The following KBTBD11 variants were observed in gnomAD, a reference collection of about 807,000 sequenced individuals.
The protein encoded by KBTBD11 is kelch repeat and BTB domain containing 11.
For missense variants in KBTBD11, 1,390 were observed against 1,001.8 expected, an observed-to-expected ratio of 1.39 and a Z score of -5.23; for synonymous variants, 747 against 499.0, an observed-to-expected ratio of 1.50 and a Z score of -6.63.
At chr8:1,978,213 C>T (rs1816416876) in intron 1 of KBTBD11, among the ~76,000 whole-genome samples, 1 of 152,218 alleles carries the variant, frequency 6.6e-6, no homozygotes, top group African/African-American at 2.4e-5. Context: ...GTGTTCTCAT[C>T]ATTCAGCTCC....
At chr8:1,980,763 C>G (rs967966481) in intron 1 of KBTBD11, among the ~76,000 whole-genome samples, 1 of 152,228 alleles carries the variant, frequency 6.6e-6, no homozygotes, top group Non-Finnish European at 1.5e-5. Context: ...ATGTTTCCTA[C>G]TGGTTCTGTT....
At position 2,001,241 on chromosome 8, in the gene KBTBD11, G is replaced by A. The variant is rs1362518974; in HGVS notation, c.49G>A (p.Gly17Arg). The A allele has an allele frequency of 6.7e-7, 1 of 1,490,886 alleles. No individual in the cohort carries two copies. 92.4% of individuals were successfully genotyped at this position (1,490,886 alleles called of 1,614,324 possible). A position where few individuals can be genotyped will look rare whatever the true frequency, so the allele number is the denominator to read the frequency against. The change falls in exon 2 of 2, where the codon GGG becomes AGG. Residue 17 changes from glycine (G) to arginine (R), a missense_variant. Transcript: ENST00000320248. The part of the protein sequence containing the change: ...PCVLYPGTEP[G>R]AAGESESEGA... ...CGTCCTCTACCCAGGGACTGAGCCC[G>A]GGGCTGCCGGGGAGAGCGAGAGCGA...
At chr8:1,999,878 A>T (rs962930604) in intron 1 of KBTBD11, among the ~76,000 whole-genome samples, 29 of 152,236 alleles carry the variant, frequency 1.9e-4, no homozygotes, top group African/African-American at 6.0e-4. Flanking sequence ...CAATCCAGTC[A>T]TGCTTTCTCA....
chr8:1,973,713 G>T lies in KBTBD11; in HGVS notation c.-1131G>T. 1.0e-6 allele frequency: 1 copy of T among 983,826 alleles called. No individual in the cohort carries two copies. Among genetic ancestry groups the T allele is most frequent in the South Asian group, 4.7e-5 (1 of 21,290 alleles). The allele number at this position is 983,826 out of a possible 1,614,324, so 60.9% of individuals were successfully genotyped here. A position where few individuals can be genotyped will look rare whatever the true frequency, so the allele number is the denominator to read the frequency against. On this transcript the variant is annotated 5_prime_UTR_variant, in exon 1 of 2. Transcript: ENST00000320248. ...GCGCCCCTCGCAGCCTGGAGCCGGA[G>T]CGCTGGCTCCGCGCGGCCTGGAGAG...
Position 2,001,392 on chromosome 8 carries a change from C to G in KBTBD11, c.200C>G (p.Ser67Cys). The change falls in exon 2 of 2, where the codon TCC becomes TGC. Residue 67 changes from serine to cysteine, a missense_variant. Coordinates refer to ENST00000320248, the MANE Select transcript of KBTBD11 (RefSeq NM_014867.3). ...GAAGGCGCGGCCACCTCCCCGCCCT[C>G]CAGCGGTGGCCCGCGGGTGGTGGAG... ...AAEGAATSPP[S>C]SGGPRVVERQ... 7.0e-7 allele frequency: 1 copy of G among 1,426,380 alleles called. No individual in the cohort carries two copies. Among genetic ancestry groups the G allele is most frequent in the Middle Eastern group, 2.5e-4 (1 of 3,998 alleles). The allele number at this position is 1,426,380 out of a possible 1,614,324, so 88.4% of individuals were successfully genotyped here.
chr8:1,987,109 T>G (rs1816730990), intron 1 of KBTBD11, among the ~76,000 whole-genome samples: 1 of 151,638 alleles, frequency 6.6e-6, no homozygotes, highest in Non-Finnish European at 1.5e-5. Flanking sequence ...GGAAGCCCTG[T>G]GGTCCCGTCC....
rs532617363 is a variant in KBTBD11, at chr8:2,001,883, C to T, written c.691C>T (p.Leu231=). 1,613 of 1,378,154 alleles carry T rather than the reference C, an allele frequency of 1.2e-3. 3 individuals are homozygous for T. The highest frequency in any genetic ancestry group is 1.6e-3 in the Admixed American group (64 of 41,034). 85.4% of individuals were successfully genotyped at this position (1,378,154 alleles called of 1,614,324 possible). A position where few individuals can be genotyped will look rare whatever the true frequency, so the allele number is the denominator to read the frequency against. ...CGCCACCGACGCCGTGGGGCCGCAG[C>T]TGAGCCTGGCCAACTGCTACGAGGT... ...QRATDAVGPQ[L]SLANCYEVLS... The change falls in exon 2 of 2, where the codon CTG becomes TTG. Residue 231 remains leucine (L), a synonymous_variant. Coordinates refer to ENST00000320248, the MANE Select transcript of KBTBD11 (RefSeq NM_014867.3).
intron 1 of KBTBD11, among the ~76,000 whole-genome samples, chr8:1,981,001 T>C (rs1229359131): frequency 1.3e-5 from 2 of 152,154 alleles, no homozygotes; most frequent in African/African-American, 4.8e-5. Flanking sequence ...CAGGGCAAAA[T>C]AGTAACAAGG....
chr8:1,995,258 T>C (rs1817095192), intron 1 of KBTBD11, among the ~76,000 whole-genome samples: 1 of 151,972 alleles, frequency 6.6e-6, no homozygotes, highest in Non-Finnish European at 1.5e-5. Flanking sequence ...TTAGTTTTCT[T>C]TTATCCATGT....
At chr8:1,974,675 GGA>G in intron 1 of KBTBD11, 2 of 985,400 alleles carry the variant, frequency 2.0e-6, no homozygotes, top group Non-Finnish European at 2.4e-6. Flanking sequence ...CATGTGCTGG[GGA>G]GACCCCCGGG....
Position 2,000,592 on chromosome 8 carries a change from A to C in KBTBD11, c.-601A>C, listed in dbSNP as rs1007464351. 1 of 152,336 alleles carries C rather than the reference A, an allele frequency of 6.6e-6. No homozygotes were observed. 9.4% of individuals were successfully genotyped at this position (152,336 alleles called of 1,614,324 possible). Reference sequence around the variant, plus strand: ...GGGACTCTTTTCAAGACACGGTGTTAAATCAAGGCTCTGAAGTTGGGGCCA... The same window carrying C: ...GGGACTCTTTTCAAGACACGGTGTTCAATCAAGGCTCTGAAGTTGGGGCCA... On this transcript the variant is annotated 5_prime_UTR_variant, in exon 2 of 2. Transcript: ENST00000320248.
chr8:1,999,282 A>G (rs1325023906), intron 1 of KBTBD11, among the ~76,000 whole-genome samples: 1 of 152,232 alleles, frequency 6.6e-6, no homozygotes, highest in East Asian at 1.9e-4. Context: ...TATAGTAACC[A>G]GGTAATGCTA....
At chr8:1,997,159 G>A (rs961021028) in intron 1 of KBTBD11, among the ~76,000 whole-genome samples, 2 of 152,132 alleles carry the variant, frequency 1.3e-5, no homozygotes, top group South Asian at 4.1e-4. Context: ...GCGAGTTTCA[G>A]TAATTTCACA....
At chr8:1,976,890 G>C (rs142108302) in intron 1 of KBTBD11, among the ~76,000 whole-genome samples, 20 of 152,238 alleles carry the variant, frequency 1.3e-4, no homozygotes, top group African/African-American at 4.8e-4. Context: ...AGCACGGAGA[G>C]GTCAGTGAGG....
intron 1 of KBTBD11, among the ~76,000 whole-genome samples, chr8:1,992,027 G>A (rs759324530): frequency 2.0e-5 from 3 of 152,144 alleles, no homozygotes; most frequent in African/African-American, 4.8e-5. Flanking sequence ...GCCTTTAGTT[G>A]AGGAACGTCT....
At chr8:1,986,742 A>T (rs1311801597) in intron 1 of KBTBD11, among the ~76,000 whole-genome samples, 1 of 152,220 alleles carries the variant, frequency 6.6e-6, no homozygotes, top group East Asian at 1.9e-4. Flanking sequence ...GTTTAAACAT[A>T]TGGCATTACG....
At chr8:1,991,555 A>AACT (rs1816918159) in intron 1 of KBTBD11, among the ~76,000 whole-genome samples, 14 of 151,968 alleles carry the variant, frequency 9.2e-5, no homozygotes, top group African/African-American at 3.4e-4. Context: ...GTGATCCATG[A>AACT]GGGCAGGGCC....
intron 1 of KBTBD11, among the ~76,000 whole-genome samples, chr8:1,998,096 C>A (rs544699273): frequency 1.3e-5 from 2 of 152,218 alleles, no homozygotes; most frequent in African/African-American, 4.8e-5. Flanking sequence ...GCTCCAAAAT[C>A]TGAACTGTTT....
intron 1 of KBTBD11, among the ~76,000 whole-genome samples, chr8:1,990,387 G>A (rs1490090037): frequency 6.9e-6 from 1 of 145,104 alleles, no homozygotes; most frequent in East Asian, 2.1e-4. Context: ...CCGGGCCTTG[G>A]CGCCCTGTCC....
Sources: allele counts gnomAD v4.1 joint callset (sites outside exome capture counted in the v4.1 genomes callset), GRCh38; gene constraint gnomAD v4.1.1; transcripts MANE v1.5; gene names NCBI Gene and HGNC (gene_info 2026-07-23, HGNC 2026-07-21).